The following SLC25A34 variants were observed in gnomAD, a reference collection of about 807,000 sequenced individuals.
SLC25A34 encodes the protein solute carrier family 25, member 34.
A neutral mutation model predicts 28.1 loss-of-function variants in SLC25A34; 26 were observed. The observed-to-expected ratio is 0.93, with a 90% CI of 0.68 to 1.28. The LOEUF (loss-of-function observed/expected upper bound fraction) is 1.28. SLC25A34 is among the 50% of genes most tolerant of loss of function. SLC25A34 has a pLI of 0.00. For missense variants in SLC25A34, 384 were observed against 409.8 expected (o/e 0.94, Z 0.54); for synonymous variants, 182 against 182.2 (o/e 1.00, Z 0.01).
chr1:15,738,139 T>C lies in SLC25A34; in HGVS notation c.491T>C (p.Leu164Ser). 6.2e-7 allele frequency: 1 copy of C among 1,607,554 alleles called. No homozygotes were observed. The highest frequency in any genetic ancestry group is 8.5e-7 in the Non-Finnish European group (1 of 1,176,156). Reference protein sequence around the residue: ...LETIWRQQGLLGLWQGVGGAV... With the variant: ...LETIWRQQGLSGLWQGVGGAV... ...ACCATCTGGCGGCAGCAAGGGCTCTTGGGGCTGTGGCAGGGCGTTGGTGGG... is the reference window on the plus strand; with the variant it reads ...ACCATCTGGCGGCAGCAAGGGCTCTCGGGGCTGTGGCAGGGCGTTGGTGGG... Residue 164 changes from leucine (L) to serine (S), a missense_variant, in exon 3 of 5, where the codon TTG becomes TCG. By Grantham distance (145) the Leu-to-Ser change is moderately radical. Transcript: ENST00000294454.
intron 3 of SLC25A34, 122 bp downstream of exon 3, chr1:15,738,367 T>C: frequency 1.4e-6 from 2 of 1,386,424 alleles, no homozygotes; most frequent in Admixed American, 2.8e-5. Flanking sequence ...GCCTCTGCCC[T>C]CAGAGTCGTG....
Position 15,738,168 on chromosome 1 carries a change from G to A in SLC25A34, c.520G>A (p.Val174Met), listed in dbSNP as rs1484815462. The A allele has an allele frequency of 1.2e-6, 2 of 1,607,582 alleles. No homozygotes were observed. The highest frequency in any genetic ancestry group is 1.7e-5 in the Admixed American group (1 of 59,324). ...GCTGTGGCAGGGCGTTGGTGGGGCT[G>A]TGCCCCGAGTCATGGTGGGCTCAGC... ...LGLWQGVGGA[V>M]PRVMVGSAAQ... The change falls in exon 3 of 5, where the codon GTG becomes ATG. Residue 174 changes from valine to methionine, a missense_variant. By Grantham distance (21) the Val-to-Met change is conservative. Transcript: ENST00000294454.
At position 15,739,449 on chromosome 1, in the gene SLC25A34, G is replaced by T. The variant is rs1557669873; in HGVS notation, c.*43G>T. On this transcript the variant is annotated 3_prime_UTR_variant, in exon 5 of 5. Transcript: ENST00000294454. ...CACGTCCTGACACGGCCGGCACTTG[G>T]CCGGAAGTGAGAGCCTGCTCCAGGA... 6.7e-7 allele frequency: 1 copy of T among 1,484,940 alleles called. No individual in the cohort carries two copies. Among genetic ancestry groups the T allele is most frequent in the Admixed American group, 2.5e-5 (1 of 40,644 alleles). The allele number at this position is 1,484,940 out of a possible 1,614,324, so 92.0% of individuals were successfully genotyped here. A position where few individuals can be genotyped will look rare whatever the true frequency, so the allele number is the denominator to read the frequency against.
Position 15,736,695 on chromosome 1 carries a change from G to A in SLC25A34, c.210G>A (p.Gln70=), listed in dbSNP as rs759652964. 5.6e-6 allele frequency: 9 copies of A among 1,609,902 alleles called. No individual in the cohort carries two copies. The South Asian group carries it at 6.6e-5, about 12-fold the overall frequency. The change falls in exon 1 of 5, where the codon CAG becomes CAA. Residue 70 remains glutamine, a synonymous_variant. Transcript: ENST00000294454. ...GAGCAGACGGGCTGTGGGGCCTGCA[G>A]AAGGGGCTGGCTGCCGGCCTTCTGT... is the stretch of plus-strand genomic sequence containing the variant. ...VARADGLWGL[Q]KGLAAGLLYQ...
chr1:15,737,835 C>T (rs2068239772), intron 1 of SLC25A34, 94 bp from the exon 2 acceptor site: 27 of 1,391,844 alleles, frequency 1.9e-5, no homozygotes, highest in Non-Finnish European at 2.7e-5. Flanking sequence ...CTGTGAGTTT[C>T]AGGGGCACGG....
Position 15,739,434 on chromosome 1 carries a change from C to T in SLC25A34, c.*28C>T. On this transcript the variant is annotated 3_prime_UTR_variant, in exon 5 of 5. Transcript: ENST00000294454. ...GACGGCCCTCACCCCCACGTCCTGA[C>T]ACGGCCGGCACTTGGCCGGAAGTGA... 1 of 1,488,840 alleles carries T rather than the reference C, an allele frequency of 6.7e-7. No homozygotes were observed. The highest frequency in any genetic ancestry group is 8.9e-7 in the Non-Finnish European group (1 of 1,120,606). The allele number at this position is 1,488,840 out of a possible 1,614,324, so 92.2% of individuals were successfully genotyped here.
chr1:15,737,208 G>C (rs562264757), intron 1 of SLC25A34, among the ~76,000 whole-genome samples: 1 of 152,160 alleles, frequency 6.6e-6, no homozygotes, highest in African/African-American at 2.4e-5. Flanking sequence ...CCTCCGCCTC[G>C]TGTGCACTCT....
rs1431808259 is a variant in SLC25A34 at position 15,741,014 on chromosome 1, G to A, written c.*1608G>A. 1 of 152,376 alleles carries A rather than the reference G, an allele frequency of 6.6e-6. No homozygotes were observed. Among genetic ancestry groups the A allele is most frequent in the Non-Finnish European group, 1.5e-5 (1 of 68,160 alleles). The allele number at this position is 152,376 out of a possible 1,614,324, so 9.4% of individuals were successfully genotyped here. A position where few individuals can be genotyped will look rare whatever the true frequency, so the allele number is the denominator to read the frequency against. The stretch of plus-strand genomic sequence containing the variant: ...AACATCATCTAAGGGCTCTCACGGA[G>A]GGCCTCCCAGCTGCCCGCCCTGTGG... On this transcript the variant is annotated 3_prime_UTR_variant, in exon 5 of 5. Coordinates refer to ENST00000294454, the MANE Select transcript of SLC25A34 (RefSeq NM_207348.3).
chr1:15,736,550 T>C lies in SLC25A34; in HGVS notation c.65T>C (p.Val22Ala), dbSNP rs1407989737. 6.9e-7 allele frequency: 1 copy of C among 1,459,160 alleles called. No homozygotes were observed. The highest frequency in any genetic ancestry group is 9.0e-7 in the Non-Finnish European group (1 of 1,105,324). 90.4% of individuals were successfully genotyped at this position (1,459,160 alleles called of 1,614,324 possible). ...LGASACCLAC[V>A]FTNPLEVVKT... The stretch of plus-strand genomic sequence containing the variant: ...GCTTCTGCCTGCTGCCTGGCCTGTG[T>C]CTTCACCAACCCCCTGGAGGTGGTG... The change falls in exon 1 of 5, where the codon GTC (valine) becomes GCC (alanine). Residue 22 changes from valine to alanine, a missense_variant. Transcript: ENST00000294454.
At position 15,736,522 on chromosome 1, in the gene SLC25A34, G is replaced by A; in HGVS notation, c.37G>A (p.Gly13Ser). The A allele has an allele frequency of 1.4e-6, 2 of 1,454,540 alleles. No individual in the cohort carries two copies. The highest frequency in any genetic ancestry group is 1.5e-5 in the South Asian group (1 of 67,856). 90.1% of individuals were successfully genotyped at this position (1,454,540 alleles called of 1,614,324 possible). A position where few individuals can be genotyped will look rare whatever the true frequency, so the allele number is the denominator to read the frequency against. The change falls in exon 1 of 5, where the codon GGT (glycine) becomes AGT (serine). Residue 13 changes from glycine (G) to serine (S), a missense_variant. Gly to Ser is a moderately conservative substitution (Grantham distance 56, BLOSUM62 0). Coordinates refer to ENST00000294454, the MANE Select transcript of SLC25A34 (RefSeq NM_207348.3). The stretch of plus-strand genomic sequence containing the variant: ...GCCCCCAGCAGTGGACCTGGTGCTG[G>A]GTGCTTCTGCCTGCTGCCTGGCCTG... Reference protein sequence around the residue: ...TVPPAVDLVLGASACCLACVF... With the variant: ...TVPPAVDLVLSASACCLACVF...
At position 15,737,978 on chromosome 1, in the gene SLC25A34, A is replaced by G; in HGVS notation, c.428A>G (p.His143Arg). 6.2e-7 allele frequency: 1 copy of G among 1,613,748 alleles called. No homozygotes were observed. The change falls in exon 2 of 5, where the codon CAC becomes CGC. Residue 143 changes from histidine (H) to arginine (R), a missense_variant. Physicochemically the swap from His to Arg is conservative, Grantham distance 29. Transcript: ENST00000294454. The stretch of plus-strand genomic sequence containing the variant: ...ACAGTGGCCGCAGTGGCCGTGGGAC[A>G]CCAGCACAATCACCAGGTGAGGCCT... ...AQTVAAVAVG[H>R]QHNHQTVLGA...
rs1216558959 is a variant in SLC25A34, at chr1:15,739,341, C to T, written c.850C>T (p.Leu284Phe). Residue 284 changes from leucine to phenylalanine, a missense_variant, in exon 5 of 5, where the codon CTC becomes TTC. Leu to Phe is a conservative substitution (Grantham distance 22). Coordinates refer to ENST00000294454, the MANE Select transcript of SLC25A34 (RefSeq NM_207348.3). The part of the protein sequence containing the change: ...AYLRLGPHTI[L>F]SMLFWDELRK... ...CCTGCGCCTGGGCCCCCACACCATC[C>T]TCAGCATGCTCTTCTGGGACGAGCT... The T allele has an allele frequency of 6.2e-7, 1 of 1,608,470 alleles. No individual in the cohort carries two copies. The highest frequency in any genetic ancestry group is 2.2e-5 in the East Asian group (1 of 44,540).
chr1:15,740,538 A>G lies in SLC25A34; in HGVS notation c.*1132A>G, dbSNP rs1557670401. On this transcript the variant is annotated 3_prime_UTR_variant, in exon 5 of 5. Transcript: ENST00000294454. ...AGTGATCCACTGGCCTTGGCCTCCC[A>G]AAGTGCTGGGATTACAGGCATGAGC... 1.3e-5 allele frequency: 2 copies of G among 152,332 alleles called. No individual in the cohort carries two copies. The highest frequency in any genetic ancestry group is 2.4e-5 in the African/African-American group (1 of 41,440). The allele number at this position is 152,332 out of a possible 1,614,324, so 9.4% of individuals were successfully genotyped here.
In SLC25A34 at chr1:15,739,247, C is replaced by T. The variant is rs747434400; in HGVS notation, c.756C>T (p.Thr252=). ...AGRGQLYGGL[T]DCMVKIWRQE... The stretch of plus-strand genomic sequence containing the variant: ...AGGGCCAGCTCTATGGGGGCCTCAC[C>T]GACTGCATGGTGAAGATCTGGCGGC... Residue 252 remains threonine (T), a synonymous_variant, in exon 5 of 5, where the codon ACC becomes ACT. Transcript: ENST00000294454. 10 of 1,612,392 alleles carry T rather than the reference C, an allele frequency of 6.2e-6. No individual in the cohort carries two copies. The highest frequency in any genetic ancestry group is 5.3e-5 in the African/African-American group (4 of 74,930).
chr1:15,736,977 G>C, intron 1 of SLC25A34, 114 bp downstream of exon 1: 1 of 1,336,588 alleles, frequency 7.5e-7, no homozygotes, highest in Non-Finnish European at 9.8e-7. Flanking sequence ...TGGGGCAGCC[G>C]GGGTGGGGCT....
chr1:15,736,922 G>C lies in SLC25A34; in HGVS notation c.378+59G>C. On this transcript the variant is annotated intron_variant, in intron 1 of 4. Coordinates refer to ENST00000294454, the MANE Select transcript of SLC25A34 (RefSeq NM_207348.3). ...CATCCCATGACCCAGCTCCCACAGGGGCCCTGCAGCCTCCAAAGGCAGGGC... is the reference window on the plus strand; with the variant it reads ...CATCCCATGACCCAGCTCCCACAGGCGCCCTGCAGCCTCCAAAGGCAGGGC... 4.2e-6 allele frequency: 6 copies of C among 1,443,518 alleles called. No homozygotes were observed. The South Asian group carries it at 8.8e-5, about 21-fold the overall frequency. 89.4% of individuals were successfully genotyped at this position (1,443,518 alleles called of 1,614,324 possible).
Position 15,736,710 on chromosome 1 carries a change from C to T in SLC25A34, c.225C>T (p.Ala75=), listed in dbSNP as rs202103537. 1.3e-4 allele frequency: 217 copies of T among 1,609,600 alleles called. No individual in the cohort carries two copies. Among genetic ancestry groups the T allele is most frequent in the Admixed American group, 6.5e-4 (39 of 59,820 alleles). The change falls in exon 1 of 5, where the codon GCC becomes GCT. Residue 75 remains alanine, a synonymous_variant. Coordinates refer to ENST00000294454, the MANE Select transcript of SLC25A34 (RefSeq NM_207348.3). The part of the protein sequence containing the change: ...GLWGLQKGLA[A]GLLYQGLMNG... ...GGGGCCTGCAGAAGGGGCTGGCTGC[C>T]GGCCTTCTGTACCAAGGCCTCATGA...
chr1:15,736,426 C>G lies in SLC25A34; in HGVS notation c.-60C>G. 7.3e-7 allele frequency: 1 copy of G among 1,374,290 alleles called. No individual in the cohort carries two copies. The highest frequency in any genetic ancestry group is 1.8e-5 in the South Asian group (1 of 55,512). The allele number at this position is 1,374,290 out of a possible 1,614,324, so 85.1% of individuals were successfully genotyped here. On this transcript the variant is annotated 5_prime_UTR_variant, in exon 1 of 5. Coordinates refer to ENST00000294454, the MANE Select transcript of SLC25A34 (RefSeq NM_207348.3). ...AGGTTACAGACAGCCTAAACGCCAC[C>G]ACCACAGGGCCTGTGCCGTGCCCCT...
rs1232660205 is a variant in SLC25A34 at position 15,740,647 on chromosome 1, GT to G, written c.*1242del. 6.6e-6 allele frequency: 1 copy of G among 152,236 alleles called. No homozygotes were observed. Among genetic ancestry groups the G allele is most frequent in the African/African-American group, 2.4e-5 (1 of 41,404 alleles). 9.4% of individuals were successfully genotyped at this position (152,236 alleles called of 1,614,324 possible). ...CAGTCACATCCTGAGCTACTAGGGG[GT>G]AGGACTTCAACATGCACTTCTGCAG... On this transcript the variant is annotated 3_prime_UTR_variant, in exon 5 of 5. Transcript: ENST00000294454.
Sources: gnomAD v4.1 joint callset for allele counts (sites outside exome capture counted in the v4.1 genomes callset) on GRCh38, gnomAD v4.1.1 for gene constraint, MANE v1.5 for transcripts, NCBI Gene and HGNC (gene_info 2026-07-23, HGNC 2026-07-21) for gene names.